The following GJA3 variants were observed in gnomAD, a reference collection of about 807,000 sequenced individuals.
GJA3 encodes the protein gap junction alpha-3 protein.
For synonymous variants in GJA3, 297 were observed against 292.6 expected (o/e 1.02, Z -0.15); for missense variants, 571 against 620.3 (o/e 0.92, Z 0.84).
intron 1 of GJA3, among the ~76,000 whole-genome samples, chr13:20,158,912 C>CAAAAAA (rs1159654355): frequency 0.021 from 1,136 of 54,016 alleles, no homozygotes; most frequent in Middle Eastern, 0.053. Flanking sequence ...GCAAAACTCT[C>CAAAAAA]AAAAAAAAAA....
chr13:20,155,251 T>C (rs182592892), intron 1 of GJA3, among the ~76,000 whole-genome samples: 1 of 152,372 alleles, frequency 6.6e-6, no homozygotes, highest in African/African-American at 2.4e-5. Flanking sequence ...TTTCAGCTTT[T>C]CTGTCCTATC....
chr13:20,144,060 T>TTAAACAA, intron 1 of GJA3, among the ~76,000 whole-genome samples: 1 of 152,066 alleles, frequency 6.6e-6, no homozygotes, highest in East Asian at 1.9e-4. Context: ...AGATGAGGAG[T>TTAAACAA]ATTGGAGAGG....
rs765247252 is a variant in GJA3 at position 20,142,597 on chromosome 13, T to C, written c.692A>G (p.Lys231Arg). ...GCCGAGGCGGCTGGTCACGCCCTGCTTGAGCTTCTTCCAGCCCAGGTGGTA... is the reference window on the plus strand; with the variant it reads ...GCCGAGGCGGCTGGTCACGCCCTGCCTGAGCTTCTTCCAGCCCAGGTGGTA... Reference protein sequence around the residue: ...EIYHLGWKKLKQGVTSRLGPD... With the variant: ...EIYHLGWKKLRQGVTSRLGPD... The change falls in exon 2 of 2, where the codon AAG (lysine) becomes AGG (arginine). Residue 231 changes from lysine to arginine, a missense_variant. Lys to Arg is a conservative substitution (Grantham distance 26). Transcript: ENST00000241125. 6.2e-7 allele frequency: 1 copy of C among 1,611,600 alleles called. No homozygotes were observed. The highest frequency in any genetic ancestry group is 8.5e-7 in the Non-Finnish European group (1 of 1,179,228).
intron 1 of GJA3, among the ~76,000 whole-genome samples, chr13:20,149,966 C>T (rs77438159): frequency 2.2e-4 from 34 of 152,194 alleles, no homozygotes; most frequent in East Asian, 1.9e-4. Flanking sequence ...GTGGTAATCT[C>T]GGAGTGAGTG....
intron 1 of GJA3, among the ~76,000 whole-genome samples, chr13:20,147,033 T>C (rs116710322): frequency 0.022 from 3,400 of 152,376 alleles, 131 homozygotes; most frequent in African/African-American, 0.077. Context: ...AAGGCAGTTC[T>C]GTCCAGTGAG....
chr13:20,143,119 T>C lies in GJA3; in HGVS notation c.170A>G (p.Gln57Arg). Residue 57 changes from glutamine to arginine, a missense_variant, in exon 2 of 2, where the codon CAG becomes CGG. By Grantham distance (43) the Gln-to-Arg change is conservative (BLOSUM62 1). Transcript: ENST00000241125. ...DEQSDFTCNT[Q>R]QPGCENVCYD... is the part of the protein sequence containing the mutation. Reference sequence around the variant, plus strand: ...GCAGACGTTCTCGCAGCCCGGCTGCTGGGTGTTGCAGGTGAAGTCTGACTG... The same window carrying C: ...GCAGACGTTCTCGCAGCCCGGCTGCCGGGTGTTGCAGGTGAAGTCTGACTG... The C allele has an allele frequency of 6.2e-7, 1 of 1,613,756 alleles. No homozygotes were observed. The highest frequency in any genetic ancestry group is 2.2e-5 in the East Asian group (1 of 44,878).
chr13:20,142,392 C>T lies in GJA3; in HGVS notation c.897G>A (p.Leu299=). ...GAPPPAADFK[L]LALTEARGKG... ...TTCCGCGCGCCTCGGTCAGGGCTAGCAGTTTGAAGTCCGCGGCTGGTGGCG... is the reference window on the plus strand; with the variant it reads ...TTCCGCGCGCCTCGGTCAGGGCTAGTAGTTTGAAGTCCGCGGCTGGTGGCG... Residue 299 remains leucine, a synonymous_variant, in exon 2 of 2, where the codon CTG becomes CTA. Transcript: ENST00000241125. 1 of 1,523,088 alleles carries T rather than the reference C, an allele frequency of 6.6e-7. No homozygotes were observed. The allele number at this position is 1,523,088 out of a possible 1,614,324, so 94.3% of individuals were successfully genotyped here. A position where few individuals can be genotyped will look rare whatever the true frequency, so the allele number is the denominator to read the frequency against.
chr13:20,155,320 C>T (rs1422233656), intron 1 of GJA3, among the ~76,000 whole-genome samples: 1 of 152,008 alleles, frequency 6.6e-6, no homozygotes, highest in Admixed American at 6.6e-5. Context: ...TCTGAATAAG[C>T]TCATATAAGA....
chr13:20,142,042 C>T lies in GJA3; in HGVS notation c.1247G>A (p.Arg416Gln), dbSNP rs1231685309. 3 of 1,550,216 alleles carry T rather than the reference C, an allele frequency of 1.9e-6. No homozygotes were observed. Among genetic ancestry groups the T allele is most frequent in the Non-Finnish European group, 2.6e-6 (3 of 1,146,846 alleles). Residue 416 changes from arginine to glutamine, a missense_variant, in exon 2 of 2, where the codon CGG becomes CAG. Arg to Gln is a conservative substitution (Grantham distance 43). Transcript: ENST00000241125. ...GCTGGCCCTGCTGGCCTTGCTGGCCCGACCTGGGTCTCCGAGGGGCAAGGG... is the reference window on the plus strand; with the variant it reads ...GCTGGCCCTGCTGGCCTTGCTGGCCTGACCTGGGTCTCCGAGGGGCAAGGG... ...QPPLPLGDPG[R>Q]ASKASRASSG...
At chr13:20,153,181 A>G (rs911982034) in intron 1 of GJA3, among the ~76,000 whole-genome samples, 11 of 143,376 alleles carry the variant, frequency 7.7e-5, no homozygotes, top group Admixed American at 5.5e-4. Context: ...TAAAAAATAC[A>G]GAATTCAAAA....
At chr13:20,144,195 C>T (rs1260487063) in intron 1 of GJA3, among the ~76,000 whole-genome samples, 1 of 152,220 alleles carries the variant, frequency 6.6e-6, no homozygotes, top group East Asian at 1.9e-4. Flanking sequence ...CCTGAAATCA[C>T]CTCACCTGAC....
chr13:20,151,609 G>T lies in GJA3; in HGVS notation c.-17-8304C>A, dbSNP rs148134185. Among the ~76,000 whole-genome samples, 1,107 of 152,274 alleles carry T rather than the reference G, an allele frequency of 7.3e-3. 11 individuals are homozygous for T. The highest frequency in any genetic ancestry group is 0.02 in the African/African-American group (812 of 41,536). ...CAGACCGGGGCTCCAGGACATGGGA[G>T]CCTCAGGTATGAGGGCAGAGTGATC... On this transcript the variant is annotated intron_variant, in intron 1 of 1. Coordinates refer to ENST00000241125, the MANE Select transcript of GJA3 (RefSeq NM_021954.4).
At chr13:20,154,297 T>G (rs60189866) in intron 1 of GJA3, among the ~76,000 whole-genome samples, 37,803 of 152,144 alleles carry the variant, frequency 0.25, 6,483 homozygotes, top group African/African-American at 0.49. Flanking sequence ...GTCCCTGAAG[T>G]TCTCACACAT....
chr13:20,141,445 T>C lies in GJA3; in HGVS notation c.*536A>G, dbSNP rs1164539328. On this transcript the variant is annotated 3_prime_UTR_variant, in exon 2 of 2. Transcript: ENST00000241125. ...GCAATTTCGGAAACTCAAATGACAC[T>C]ACATAGACTTGCTGTAAATCTTTTT... 6.5e-6 allele frequency: 1 copy of C among 152,728 alleles called. No homozygotes were observed. Among genetic ancestry groups the C allele is most frequent in the Non-Finnish European group, 1.5e-5 (1 of 68,114 alleles). 9.5% of individuals were successfully genotyped at this position (152,728 alleles called of 1,614,324 possible). A position where few individuals can be genotyped will look rare whatever the true frequency, so the allele number is the denominator to read the frequency against.
At chr13:20,153,888 T>C (rs1049297406) in intron 1 of GJA3, among the ~76,000 whole-genome samples, 2 of 151,968 alleles carry the variant, frequency 1.3e-5, no homozygotes, top group Non-Finnish European at 2.9e-5. Flanking sequence ...CAGACCAGCA[T>C]GAAAGAGGAA....
At position 20,142,193 on chromosome 13, in the gene GJA3, C is replaced by A; in HGVS notation, c.1096G>T (p.Ala366Ser). The change falls in exon 2 of 2, where the codon GCT becomes TCT. Residue 366 changes from alanine to serine, a missense_variant. Coordinates refer to ENST00000241125, the MANE Select transcript of GJA3 (RefSeq NM_021954.4). ...GSSSPPLAHE[A>S]EAGAAPLLLD... ...AGCAGGGGCGCCGCGCCCGCCTCAG[C>A]CTCGTGCGCGAGTGGCGGGGAGCTG... 2 of 1,519,498 alleles carry A rather than the reference C, an allele frequency of 1.3e-6. No individual in the cohort carries two copies. Among genetic ancestry groups the A allele is most frequent in the Non-Finnish European group, 1.8e-6 (2 of 1,136,124 alleles). The allele number at this position is 1,519,498 out of a possible 1,614,324, so 94.1% of individuals were successfully genotyped here.
chr13:20,145,769 C>T (rs1413774721), intron 1 of GJA3, among the ~76,000 whole-genome samples: 1 of 152,238 alleles, frequency 6.6e-6, no homozygotes, highest in Non-Finnish European at 1.5e-5. Flanking sequence ...ACAGTCCCCT[C>T]AGGGGTGGCC....
In GJA3 at chr13:20,138,472, G is replaced by C. The variant is rs966696205; in HGVS notation, c.*3509C>G. 14 of 152,128 alleles carry C rather than the reference G, an allele frequency of 9.2e-5. No individual in the cohort carries two copies. Among genetic ancestry groups the C allele is most frequent in the Non-Finnish European group, 1.9e-4 (13 of 68,018 alleles). 9.4% of individuals were successfully genotyped at this position (152,128 alleles called of 1,614,324 possible). On this transcript the variant is annotated 3_prime_UTR_variant, in exon 2 of 2. Transcript: ENST00000241125. ...TGTTATTCAAATCCCTAACTTGTTTGCCTTATTATAATGTTCTGTAACGTA... is the reference window on the plus strand; with the variant it reads ...TGTTATTCAAATCCCTAACTTGTTTCCCTTATTATAATGTTCTGTAACGTA...
intron 1 of GJA3, among the ~76,000 whole-genome samples, chr13:20,158,206 T>G (rs1458021477): frequency 1.3e-5 from 2 of 152,336 alleles, no homozygotes; most frequent in Admixed American, 6.5e-5. Flanking sequence ...TCCCACAACC[T>G]GATAATTATG....
Sources: gnomAD v4.1 joint callset for allele counts (sites outside exome capture counted in the v4.1 genomes callset) on GRCh38, gnomAD v4.1.1 for gene constraint, MANE v1.5 for transcripts, NCBI Gene and HGNC (gene_info 2026-07-23, HGNC 2026-07-21) for gene names.